The following UHRF2 variants were observed in gnomAD, a reference collection of about 807,000 sequenced individuals.
UHRF2 encodes the protein ubiquitin like with PHD and ring finger domains 2.
A neutral mutation model predicts 96.8 loss-of-function variants in UHRF2; 23 were observed. The ratio of observed to expected loss-of-function variants is 0.24; its 90% CI spans 0.17 to 0.34. The LOEUF (loss-of-function observed/expected upper bound fraction) is 0.34, where lower values mean the gene tolerates loss of function less well. Ranked by LOEUF, UHRF2 falls within the 10% of genes least tolerant of loss-of-function variation. UHRF2 has a pLI of 1.00. For synonymous variants in UHRF2, 385 were observed against 332.6 expected (o/e 1.16, Z -1.72); for missense variants, 685 against 981.5 (o/e 0.70, Z 4.04).
At chr9:6,503,500 C>G (rs1816407376) in intron 14 of UHRF2, among the ~76,000 whole-genome samples, 1 of 151,774 alleles carries the variant, frequency 6.6e-6, no homozygotes, top group South Asian at 2.1e-4. Context: ...TTAGGTGGCT[C>G]TACTTTTTAT....
chr9:6,417,821 C>T (rs1416058338), intron 1 of UHRF2, among the ~76,000 whole-genome samples: 4 of 152,080 alleles, frequency 2.6e-5, no homozygotes, highest in Non-Finnish European at 5.9e-5. Flanking sequence ...TAAAAAGCAC[C>T]AGTTGAAACA....
chr9:6,500,842 C>G (rs1034217999), intron 14 of UHRF2, 133 bp downstream of exon 14: 9 of 780,396 alleles, frequency 1.2e-5, no homozygotes, highest in Non-Finnish European at 1.8e-5. Flanking sequence ...AGTGCCACTA[C>G]CTTTCAGAAA....
intron 14 of UHRF2, among the ~76,000 whole-genome samples, chr9:6,503,954 A>G (rs558813915): frequency 3.3e-4 from 49 of 148,676 alleles, no homozygotes; most frequent in South Asian, 6.3e-4. Flanking sequence ...ATTTCTTTAT[A>G]TAACTTTGCT....
rs1819403687 is a variant in UHRF2 at position 6,413,404 on chromosome 9, G to T, written c.-87G>T. ...CCGCCTGCCGCTGAGGGCCCGAGCC[G>T]CAGGGAAAGCGGCGCGGGCCGGGCG... is the stretch of plus-strand genomic sequence containing the variant. On this transcript the variant is annotated 5_prime_UTR_variant, in exon 1 of 16. Coordinates refer to ENST00000276893, the MANE Select transcript of UHRF2 (RefSeq NM_152896.3). The T allele has an allele frequency of 1.6e-6, 2 of 1,260,514 alleles. No homozygotes were observed. Among genetic ancestry groups the T allele is most frequent in the African/African-American group, 3.1e-5 (2 of 64,412 alleles). 78.1% of individuals were successfully genotyped at this position (1,260,514 alleles called of 1,614,324 possible).
chr9:6,503,970 C>G (rs1463111134), intron 14 of UHRF2, among the ~76,000 whole-genome samples: 1 of 145,576 alleles, frequency 6.9e-6, no homozygotes, highest in African/African-American at 2.6e-5. Context: ...TTGCTCTTCT[C>G]AGGTAGTTAA....
At chr9:6,416,361 C>G (rs984792638) in intron 1 of UHRF2, among the ~76,000 whole-genome samples, 17 of 152,030 alleles carry the variant, frequency 1.1e-4, no homozygotes, top group Non-Finnish European at 2.4e-4. Flanking sequence ...AGCTACCGTG[C>G]CCAGCCTTGA....
At chr9:6,479,800 T>C (rs976328102) in intron 6 of UHRF2, among the ~76,000 whole-genome samples, 5 of 152,206 alleles carry the variant, frequency 3.3e-5, no homozygotes, top group African/African-American at 1.2e-4. Context: ...CTTTTGTTCT[T>C]TCACATACTC....
intron 9 of UHRF2, among the ~76,000 whole-genome samples, chr9:6,488,749 A>T (rs1212327735): frequency 6.7e-6 from 1 of 149,420 alleles, no homozygotes; most frequent in Non-Finnish European, 1.5e-5. Context: ...TGATCTGCCC[A>T]CCTCGGCTTC....
chr9:6,467,596 T>G (rs1048644016), intron 4 of UHRF2, among the ~76,000 whole-genome samples: 16 of 67,798 alleles, frequency 2.4e-4, no homozygotes, highest in Non-Finnish European at 3.7e-4. Flanking sequence ...GAGAGAATAG[T>G]TTTTTTTTTT....
intron 5 of UHRF2, among the ~76,000 whole-genome samples, chr9:6,476,071 C>G (rs137991560): frequency 1.3e-5 from 2 of 152,292 alleles, no homozygotes; most frequent in South Asian, 2.1e-4. Context: ...CATCATCATT[C>G]TATTCTCCAC....
chr9:6,483,501 A>AT (rs1824055443), intron 8 of UHRF2, among the ~76,000 whole-genome samples: 1 of 152,178 alleles, frequency 6.6e-6, no homozygotes, highest in South Asian at 2.1e-4. Flanking sequence ...ATGACAAGAA[A>AT]AAGTCTGGAC....
chr9:6,413,945 G>A, intron 1 of UHRF2: 1 of 241,488 alleles, frequency 4.1e-6, no homozygotes, highest in Non-Finnish European at 7.9e-6. Context: ...GGGTGCCCAG[G>A]TCCCTCGCTT....
At chr9:6,446,685 C>A (rs751926078) in intron 3 of UHRF2, among the ~76,000 whole-genome samples, 2 of 151,640 alleles carry the variant, frequency 1.3e-5, no homozygotes, top group Non-Finnish European at 2.9e-5. Flanking sequence ...AACCCCGTCT[C>A]TATAGGAAAA....
intron 2 of UHRF2, among the ~76,000 whole-genome samples, chr9:6,429,181 G>A (rs867060977): frequency 1.3e-5 from 2 of 151,126 alleles, no homozygotes; most frequent in Middle Eastern, 3.4e-3. Context: ...AAAAAAAAAA[G>A]GAAGATGGTA....
intron 1 of UHRF2, chr9:6,414,299 A>G (rs1819462860): frequency 6.6e-6 from 1 of 152,220 alleles, no homozygotes; most frequent in African/African-American, 2.4e-5. Context: ...TGTCGGTTTA[A>G]CCGGGGGCCG....
intron 2 of UHRF2, chr9:6,422,512 G>A (rs1225679936): frequency 7.0e-6 from 3 of 426,170 alleles, no homozygotes; most frequent in Non-Finnish European, 1.3e-5. Flanking sequence ...GGGATTCTAT[G>A]GAGATTGCAT....
At chr9:6,423,948 A>G (rs1208882772) in intron 2 of UHRF2, among the ~76,000 whole-genome samples, 1 of 147,152 alleles carries the variant, frequency 6.8e-6, no homozygotes, top group Admixed American at 6.9e-5. Flanking sequence ...CAGTATCAAA[A>G]AAAATAAATA....
intron 9 of UHRF2, among the ~76,000 whole-genome samples, chr9:6,489,870 A>G (rs1306115852): frequency 6.6e-6 from 1 of 152,162 alleles, no homozygotes; most frequent in Non-Finnish European, 1.5e-5. Flanking sequence ...GACAAATAGA[A>G]AAGCGTGCTG....
At position 6,421,204 on chromosome 9, in the gene UHRF2, G is replaced by A; in HGVS notation, c.384+62G>A. The A allele has an allele frequency of 2.3e-6, 3 of 1,296,262 alleles. No individual in the cohort carries two copies. The South Asian group carries it at 4.2e-5, about 18-fold the overall frequency. 80.3% of individuals were successfully genotyped at this position (1,296,262 alleles called of 1,614,324 possible). A position where few individuals can be genotyped will look rare whatever the true frequency, so the allele number is the denominator to read the frequency against. On this transcript the variant is annotated intron_variant, in intron 2 of 15. Transcript: ENST00000276893. The stretch of plus-strand genomic sequence containing the variant: ...ACAAATAAATTTATTTTCTGTTCAG[G>A]ATGTTTTGAATAAGTAAACATTGAT...
Sources: allele counts gnomAD v4.1 joint callset (sites outside exome capture counted in the v4.1 genomes callset), GRCh38; gene constraint gnomAD v4.1.1; transcripts MANE v1.5; gene names NCBI Gene and HGNC (gene_info 2026-07-23, HGNC 2026-07-21).